The following CALN1 variants were observed in gnomAD, a reference collection of about 807,000 sequenced individuals.
CALN1 encodes the protein calcium-binding protein 8.
CALN1 carries 17 observed loss-of-function variants against 30.6 expected under a neutral mutation model. The observed-to-expected ratio is 0.56, with a 90% confidence interval of 0.38 to 0.83. CALN1 has a LOEUF of 0.83. CALN1 is among the 40% of genes least tolerant of loss of function. The pLI is 0.00. For missense variants in CALN1, 291 were observed against 354.9 expected (o/e 0.82, Z 1.45); for synonymous variants, 156 against 131.4 (o/e 1.19, Z -1.28).
At chr7:72,072,835 A>G (rs1321369438) in intron 4 of CALN1, among the ~76,000 whole-genome samples, 1 of 152,250 alleles carries the variant, frequency 6.6e-6, no homozygotes, top group African/African-American at 2.4e-5. Flanking sequence ...AATCCAAATT[A>G]GAATGTATAA....
intron 3 of CALN1, among the ~76,000 whole-genome samples, chr7:72,146,230 C>A (rs1163001118): frequency 3.9e-5 from 6 of 152,172 alleles, no homozygotes; most frequent in Non-Finnish European, 7.4e-5. Context: ...ACCCCATTGT[C>A]TCAGCCCAAA....
intron 2 of CALN1, among the ~76,000 whole-genome samples, chr7:72,393,184 C>G (rs531620092): frequency 6.6e-6 from 1 of 152,194 alleles, no homozygotes; most frequent in South Asian, 2.1e-4. Flanking sequence ...AACTAGCACT[C>G]CGGCTGGGCG....
chr7:72,271,575 A>AATATATATATATATATATATAT (rs1410679506), intron 3 of CALN1, among the ~76,000 whole-genome samples: 24 of 52,062 alleles, frequency 4.6e-4, no homozygotes, highest in South Asian at 2.3e-3. Context: ...AAAAAAAAAA[A>AATATATATATATATATATATAT]ATATATATAT....
chr7:72,328,508 C>T (rs1477073195), intron 2 of CALN1, among the ~76,000 whole-genome samples: 1 of 152,132 alleles, frequency 6.6e-6, no homozygotes, highest in East Asian at 1.9e-4. Context: ...TATAAATTAC[C>T]CAGTCTCAGG....
At chr7:72,402,118 A>C (rs2129562071) in intron 2 of CALN1, among the ~76,000 whole-genome samples, 1 of 152,242 alleles carries the variant, frequency 6.6e-6, no homozygotes, top group Non-Finnish European at 1.5e-5. Flanking sequence ...TTCCAGCTTT[A>C]CATTGTCCTA....
At chr7:71,891,958 A>T (rs1297885501) in intron 5 of CALN1, among the ~76,000 whole-genome samples, 2 of 64,770 alleles carry the variant, frequency 3.1e-5, no homozygotes, top group East Asian at 8.8e-4. Context: ...ATAAATAAAT[A>T]AAAAAAAAAA....
chr7:72,134,054 T>C (rs1318314392), intron 3 of CALN1, among the ~76,000 whole-genome samples: 1 of 152,254 alleles, frequency 6.6e-6, no homozygotes, highest in Non-Finnish European at 1.5e-5. Flanking sequence ...ATGAGGGCTC[T>C]GCCCTCTTGA....
chr7:71,795,241 C>T (rs1206033879), intron 6 of CALN1, among the ~76,000 whole-genome samples: 1 of 152,048 alleles, frequency 6.6e-6, no homozygotes, highest in Non-Finnish European at 1.5e-5. Context: ...AAGACGGTCT[C>T]GATCTCTCGA....
Position 72,124,111 on chromosome 7 carries a change from T to C in CALN1, c.245-17817A>G, listed in dbSNP as rs1462250034. Among the ~76,000 whole-genome samples the C allele has an allele frequency of 2.6e-5, 4 of 152,094 alleles. No homozygotes were observed. In the East Asian group the frequency reaches 7.7e-4, roughly 29 times the overall value. On this transcript the variant is annotated intron_variant, in intron 3 of 6. Transcript: ENST00000395275. ...CACACGTGCACACACACACCAATCA[T>C]TCCGTATTTCCCCTAAAGAGACAGC...
At chr7:72,495,560 C>T in the CALN1 span, among the ~76,000 whole-genome samples, 2 of 152,198 alleles carry the variant, frequency 1.3e-5, no homozygotes, top group African/African-American at 2.4e-5. Context: ...CCATGCCACA[C>T]CCCATGAGCA....
intron 5 of CALN1, among the ~76,000 whole-genome samples, chr7:71,897,967 A>AC (rs1793617609): frequency 2.6e-5 from 3 of 116,616 alleles, no homozygotes; most frequent in Non-Finnish European, 5.1e-5. Context: ...GAAAAAAACA[A>AC]AAAACAAAAA....
chr7:72,057,114 A>T (rs921476573), intron 4 of CALN1, among the ~76,000 whole-genome samples: 49 of 65,858 alleles, frequency 7.4e-4, no homozygotes, highest in African/African-American at 4.1e-3. Flanking sequence ...CTGTTTTTTA[A>T]AAAAAAAAAG....
chr7:72,120,616 C>T (rs1274959783), intron 3 of CALN1, among the ~76,000 whole-genome samples: 1 of 152,134 alleles, frequency 6.6e-6, no homozygotes, highest in African/African-American at 2.4e-5. Flanking sequence ...TACACATTGC[C>T]AAGTTGCCCT....
chr7:72,253,166 G>A (rs1795682619), intron 3 of CALN1, among the ~76,000 whole-genome samples: 1 of 152,110 alleles, frequency 6.6e-6, no homozygotes, highest in Non-Finnish European at 1.5e-5. Flanking sequence ...TGATCATTTT[G>A]GTTTTCAGCA....
chr7:72,376,425 T>G (rs1029210281), intron 2 of CALN1, among the ~76,000 whole-genome samples: 1 of 152,208 alleles, frequency 6.6e-6, no homozygotes, highest in African/African-American at 2.4e-5. Flanking sequence ...TAGTGGGTTT[T>G]GATATTATTG....
In CALN1 at chr7:71,943,375, G is replaced by T. The variant is rs10227914; in HGVS notation, c.501+80282C>A. Among the ~76,000 whole-genome samples, 3 of 152,084 alleles carry T rather than the reference G, an allele frequency of 2.0e-5. No homozygotes were observed. In the East Asian group the frequency reaches 5.8e-4, roughly 29 times the overall value. On this transcript the variant is annotated intron_variant, in intron 5 of 6. Coordinates refer to ENST00000395275, the MANE Select transcript of CALN1 (RefSeq NM_031468.4). ...TCACGCTGCCATATGCTAAATGCAT[G>T]ATCTTGGGAAAATTACTTCACATAT...
At chr7:71,949,200 A>T (rs1175730458) in intron 5 of CALN1, among the ~76,000 whole-genome samples, 6 of 152,146 alleles carry the variant, frequency 3.9e-5, no homozygotes, top group African/African-American at 1.4e-4. Context: ...GCAGGAGAAT[A>T]GGGTTTGGAG....
At chr7:72,415,254 A>C (rs184122442), upstream of CALN1, among the ~76,000 whole-genome samples, 11 of 152,236 alleles carry the variant, frequency 7.2e-5, no homozygotes, top group Non-Finnish European at 1.5e-5. Context: ...CTGTGGGAGC[A>C]CCTGGGTCTA....
intron 5 of CALN1, among the ~76,000 whole-genome samples, chr7:71,826,939 A>G (rs1457248342): frequency 6.6e-6 from 1 of 152,150 alleles, no homozygotes; most frequent in Non-Finnish European, 1.5e-5. Context: ...TATTTCTTAT[A>G]AAGCACAGCC....
Sources: gnomAD v4.1 joint callset for allele counts (sites outside exome capture counted in the v4.1 genomes callset) on GRCh38, gnomAD v4.1.1 for gene constraint, MANE v1.5 for transcripts, NCBI Gene and HGNC (gene_info 2026-07-23, HGNC 2026-07-21) for gene names.